Variants in ETFA observed in about 807,000 individuals in gnomAD.
The protein encoded by ETFA is electron transfer flavoprotein subunit alpha, mitochondrial.
Under a neutral mutation model 46.2 loss-of-function variants are expected in ETFA, and 22 were observed. That is an observed-to-expected ratio of 0.48 (90% CI 0.34 to 0.68). The LOEUF is 0.68. Ranked by LOEUF, ETFA falls within the 30% of genes least tolerant of loss-of-function variation. The pLI is 0.01. For synonymous variants in ETFA, 131 were observed against 139.9 expected (o/e 0.94, Z 0.45); for missense variants, 345 against 401.1 (o/e 0.86, Z 1.19).
intron 9 of ETFA, among the ~76,000 whole-genome samples, chr15:76,255,359 G>A (rs1277779747): frequency 6.6e-6 from 1 of 152,182 alleles, no homozygotes; most frequent in African/African-American, 2.4e-5. Context: ...GCCAAAAGCT[G>A]TTATTTTAGC....
chr15:76,289,204 G>T (rs2039733711), intron 4 of ETFA, among the ~76,000 whole-genome samples: 1 of 151,998 alleles, frequency 6.6e-6, no homozygotes, highest in South Asian at 2.1e-4. Flanking sequence ...AAAGTGCTGG[G>T]ATTACAGACA....
chr15:76,239,706 C>T (rs1596194567), intron 9 of ETFA, among the ~76,000 whole-genome samples: 1 of 151,216 alleles, frequency 6.6e-6, no homozygotes, highest in South Asian at 2.1e-4. Context: ...GTTAAAAGTC[C>T]ACAAAGTATA....
intron 9 of ETFA, among the ~76,000 whole-genome samples, chr15:76,270,498 C>T (rs1453633602): frequency 6.6e-6 from 1 of 152,106 alleles, no homozygotes. Context: ...CATACACATG[C>T]CCACACACAT....
At chr15:76,232,306 C>T (rs1186317038) in intron 9 of ETFA, among the ~76,000 whole-genome samples, 1 of 152,206 alleles carries the variant, frequency 6.6e-6, no homozygotes, top group East Asian at 1.9e-4. Context: ...GAAGAGCTTA[C>T]CTGCTTCATT....
chr15:76,247,110 C>T (rs1385894952), intron 9 of ETFA, among the ~76,000 whole-genome samples: 2 of 152,172 alleles, frequency 1.3e-5, no homozygotes, highest in African/African-American at 2.4e-5. Context: ...TTAATCTATA[C>T]ATCCAATGTT....
intron 9 of ETFA, among the ~76,000 whole-genome samples, chr15:76,250,975 G>GTA (rs2039292783): frequency 6.6e-6 from 1 of 151,182 alleles, no homozygotes. Context: ...TATGTAAATT[G>GTA]TATATATATT....
At chr15:76,241,240 C>A (rs1434816930) in intron 9 of ETFA, among the ~76,000 whole-genome samples, 1 of 152,006 alleles carries the variant, frequency 6.6e-6, no homozygotes, top group African/African-American at 2.4e-5. Flanking sequence ...GTGGCTCATG[C>A]CTGTAATCCT....
intron 8 of ETFA, among the ~76,000 whole-genome samples, chr15:76,281,119 C>T (rs546219133): frequency 2.8e-4 from 42 of 151,786 alleles, no homozygotes; most frequent in Non-Finnish European, 4.6e-4. Context: ...TTCACCATGT[C>T]GGCCAGGCTG....
intron 9 of ETFA, among the ~76,000 whole-genome samples, chr15:76,243,634 G>A (rs2039214580): frequency 6.6e-6 from 1 of 151,804 alleles, no homozygotes; most frequent in African/African-American, 2.4e-5. Context: ...CCCCGCCTCT[G>A]CTAAAAATAC....
At chr15:76,231,617 T>C (rs909985443) in intron 9 of ETFA, among the ~76,000 whole-genome samples, 1 of 152,208 alleles carries the variant, frequency 6.6e-6, no homozygotes, top group African/African-American at 2.4e-5. Context: ...AAAATAAATA[T>C]GTGGATAATG....
chr15:76,257,927 CCAAA>C (rs1408490231), intron 9 of ETFA, among the ~76,000 whole-genome samples: 2 of 147,702 alleles, frequency 1.4e-5, no homozygotes, highest in African/African-American at 5.0e-5. Flanking sequence ...GACAAAAAAA[CCAAA>C]CAACGCATGT....
intron 8 of ETFA, among the ~76,000 whole-genome samples, chr15:76,276,515 A>G (rs1455707267): frequency 3.9e-5 from 6 of 152,010 alleles, no homozygotes; most frequent in African/African-American, 1.4e-4. Context: ...TCAGTCAGAT[A>G]TTGCTTCTGT....
intron 9 of ETFA, chr15:76,261,090 T>A: frequency 3.3e-6 from 5 of 1,523,954 alleles, no homozygotes; most frequent in Non-Finnish European, 4.5e-6. Context: ...TTTTAGGCTG[T>A]GAACTTCACA....
At chr15:76,242,082 G>A (rs534617029) in intron 9 of ETFA, among the ~76,000 whole-genome samples, 5 of 152,056 alleles carry the variant, frequency 3.3e-5, no homozygotes, top group African/African-American at 4.8e-5. Context: ...GGATCCCCCC[G>A]CCTTGGCCTC....
At chr15:76,308,675 G>C (rs1434464095) in intron 1 of ETFA, among the ~76,000 whole-genome samples, 1 of 152,210 alleles carries the variant, frequency 6.6e-6, no homozygotes, top group Non-Finnish European at 1.5e-5. Context: ...AGGACATCTA[G>C]AGTATCTTAG....
At chr15:76,282,287 G>A (rs2469214) in intron 8 of ETFA, among the ~76,000 whole-genome samples, 25,875 of 152,064 alleles carry the variant, frequency 0.17, 3,150 homozygotes, top group African/African-American at 0.35. Flanking sequence ...AGAGGTTGTA[G>A]TGATGTGGCC....
intron 9 of ETFA, among the ~76,000 whole-genome samples, chr15:76,265,652 G>A (rs188029844): frequency 1.7e-4 from 26 of 152,230 alleles, no homozygotes; most frequent in South Asian, 4.2e-4. Flanking sequence ...TGTCAAGGGC[G>A]GGATGGCAGG....
chr15:76,279,126 A>T (rs1307360658), intron 8 of ETFA, among the ~76,000 whole-genome samples: 1 of 152,126 alleles, frequency 6.6e-6, no homozygotes, highest in Admixed American at 6.5e-5. Context: ...TCAAAAAGTT[A>T]TCTGTATTCA....
At position 76,225,437 on chromosome 15, in the gene ETFA, T is replaced by C. The variant is rs535419232; in HGVS notation, c.963+412A>G. 4.0e-3 allele frequency among the ~76,000 whole-genome samples: 602 copies of C among 152,082 alleles called. 2 individuals carry two copies. Among genetic ancestry groups the C allele is most frequent in the African/African-American group, 0.013 (539 of 41,474 alleles). ...CCGAGTAGCTGGGACTACAGGCGCC[T>C]GCCACCACGCCCAGCTAATTTTTTG... On this transcript the variant is annotated intron_variant, in intron 11 of 11. Coordinates refer to ENST00000557943, the MANE Select transcript of ETFA (RefSeq NM_000126.4).
Sources: allele counts gnomAD v4.1 joint callset (sites outside exome capture counted in the v4.1 genomes callset), GRCh38; gene constraint gnomAD v4.1.1; transcripts MANE v1.5; gene names NCBI Gene and HGNC (gene_info 2026-07-23, HGNC 2026-07-21).